Variants in ZBTB44 observed in about 807,000 individuals in gnomAD.
ZBTB44 encodes zinc finger and BTB domain containing 44.
ZBTB44 carries 15 observed loss-of-function variants against 54.0 expected under a neutral mutation model. The observed-to-expected ratio is 0.28, with a 90% CI of 0.19 to 0.43. ZBTB44 has a LOEUF of 0.43. ZBTB44 is among the 20% of genes least tolerant of loss of function. The pLI, the probability that ZBTB44 is intolerant of heterozygous loss-of-function variation, is 1.00. For synonymous variants in ZBTB44, 230 were observed against 250.1 expected (o/e 0.92, Z 0.76); for missense variants, 487 against 707.1 (o/e 0.69, Z 3.53).
chr11:130,232,584 A>G (rs1443964635), intron 7 of ZBTB44: 2 of 152,350 alleles, frequency 1.3e-5, no homozygotes, highest in East Asian at 1.9e-4. Flanking sequence ...CTTACAGTCT[A>G]TACTCTTCAT....
At chr11:130,271,378 C>T (rs1298315082) in intron 1 of ZBTB44, among the ~76,000 whole-genome samples, 1 of 152,142 alleles carries the variant, frequency 6.6e-6, no homozygotes, top group Non-Finnish European at 1.5e-5. Context: ...ATGGCTGATT[C>T]CATGTCTCAG....
At chr11:130,290,502 T>C (rs1181171277) in intron 1 of ZBTB44, among the ~76,000 whole-genome samples, 4 of 152,188 alleles carry the variant, frequency 2.6e-5, no homozygotes, top group African/African-American at 9.7e-5. Flanking sequence ...TCCCTTCCTT[T>C]CTCCACTGCC....
chr11:130,306,741 G>A (rs914686825), intron 1 of ZBTB44, among the ~76,000 whole-genome samples: 1 of 152,176 alleles, frequency 6.6e-6, no homozygotes, highest in Non-Finnish European at 1.5e-5. Flanking sequence ...GGCTTTTGCA[G>A]CAACTTGGAT....
intron 1 of ZBTB44, among the ~76,000 whole-genome samples, chr11:130,287,897 A>G (rs925688058): frequency 6.6e-6 from 1 of 151,910 alleles, no homozygotes; most frequent in African/African-American, 2.4e-5. Context: ...AATTTAAAAA[A>G]TTATTCACCT....
chr11:130,239,947 A>C, intron 2 of ZBTB44, 51 bp from the exon 3 acceptor site: 1 of 1,357,360 alleles, frequency 7.4e-7, no homozygotes. Context: ...TGAATAAGCC[A>C]AGATTGTAAC....
chr11:130,241,728 T>C (rs1047464082), intron 2 of ZBTB44, among the ~76,000 whole-genome samples: 5 of 152,196 alleles, frequency 3.3e-5, no homozygotes, highest in Non-Finnish European at 4.4e-5. Flanking sequence ...CCTTTTCTCA[T>C]TGTTATGGCT....
At chr11:130,254,444 C>T (rs1425935486) in intron 2 of ZBTB44, among the ~76,000 whole-genome samples, 1 of 152,196 alleles carries the variant, frequency 6.6e-6, no homozygotes, top group African/African-American at 2.4e-5. Flanking sequence ...CTAAAGAAGA[C>T]ATTTATGTAG....
chr11:130,251,243 GAA>G (rs1937976479), intron 2 of ZBTB44, among the ~76,000 whole-genome samples: 1 of 129,378 alleles, frequency 7.7e-6, no homozygotes, highest in Non-Finnish European at 1.7e-5. Context: ...CAGGATTAGA[GAA>G]AAAAAGATTG....
chr11:130,254,687 A>G (rs1329922587), intron 2 of ZBTB44, among the ~76,000 whole-genome samples: 1 of 152,202 alleles, frequency 6.6e-6, no homozygotes, highest in Non-Finnish European at 1.5e-5. Context: ...GGGATCTAGA[A>G]CTAGAAATAC....
intron 1 of ZBTB44, among the ~76,000 whole-genome samples, chr11:130,286,175 T>G (rs1940948130): frequency 6.6e-6 from 1 of 152,148 alleles, no homozygotes; most frequent in Non-Finnish European, 1.5e-5. Flanking sequence ...AAAGTGATCT[T>G]TAAAAAAATG....
rs1338466201 is a variant in ZBTB44 at position 130,261,793 on chromosome 11, A to G, written c.81T>C (p.Asp27=). Residue 27 remains aspartate, a synonymous_variant, in exon 2 of 8, where the codon GAT becomes GAC. Transcript: ENST00000357899. This position sits in a 1 kb window ranked among gnomAD's most constrained non-coding sequence, Gnocchi z 4.8. ...GAATAGTGATATCACAAAAATGTCC[A>G]TCATTTCGCAGCATATTTAGCTTTC... ...MLGKLNMLRN[D]GHFCDITIRV... 5.0e-6 allele frequency: 8 copies of G among 1,614,070 alleles called. No homozygotes were observed. The highest frequency in any genetic ancestry group is 1.7e-5 in the Admixed American group (1 of 60,026).
intron 1 of ZBTB44, among the ~76,000 whole-genome samples, chr11:130,302,051 CA>C (rs35397908): frequency 0.084 from 7,368 of 87,560 alleles, 334 homozygotes; most frequent in African/African-American, 0.17. Flanking sequence ...GACCCTGTCT[CA>C]AAAAAAAAAA....
intron 7 of ZBTB44, 104 bp downstream of exon 7, chr11:130,233,204 G>A (rs1260667972): frequency 3.2e-5 from 46 of 1,446,118 alleles, no homozygotes; most frequent in Non-Finnish European, 4.0e-5. Context: ...AAACTGATCC[G>A]GGCAATGACA....
chr11:130,311,371 G>T (rs1385348), intron 1 of ZBTB44, among the ~76,000 whole-genome samples: 3,590 of 152,044 alleles, frequency 0.024, 147 homozygotes, highest in African/African-American at 0.083. Context: ...ACCACGCCTG[G>T]CTAATTTTTT....
intron 2 of ZBTB44, among the ~76,000 whole-genome samples, chr11:130,245,801 T>C (rs972440155): frequency 6.6e-6 from 1 of 152,224 alleles, no homozygotes; most frequent in Non-Finnish European, 1.5e-5. Flanking sequence ...GAATGGACTC[T>C]TGGTGAGGTG....
At chr11:130,281,869 T>A (rs763747556) in intron 1 of ZBTB44, among the ~76,000 whole-genome samples, 1 of 152,206 alleles carries the variant, frequency 6.6e-6, no homozygotes, top group Non-Finnish European at 1.5e-5. Flanking sequence ...CCTCCCAAAG[T>A]GCTGGGATTA....
At chr11:130,251,891 T>C (rs961157388) in intron 2 of ZBTB44, among the ~76,000 whole-genome samples, 2 of 152,200 alleles carry the variant, frequency 1.3e-5, no homozygotes, top group Non-Finnish European at 2.9e-5. Context: ...GCTAGCATCA[T>C]GACGACAGGA....
chr11:130,256,843 A>G (rs1447153102), intron 2 of ZBTB44, among the ~76,000 whole-genome samples: 1 of 152,090 alleles, frequency 6.6e-6, no homozygotes, highest in African/African-American at 2.4e-5. Flanking sequence ...GGCACAAGAC[A>G]AGGATGCTCT....
At chr11:130,307,424 CAAAA>C (rs35105255) in intron 1 of ZBTB44, among the ~76,000 whole-genome samples, 5 of 137,600 alleles carry the variant, frequency 3.6e-5, no homozygotes, top group Non-Finnish European at 3.2e-5. Context: ...GACTCTGTCT[CAAAA>C]AAAAAAAAAA....
Sources: gnomAD v4.1 joint callset for allele counts (sites outside exome capture counted in the v4.1 genomes callset) on GRCh38, gnomAD v4.1.1 for gene constraint, Gnocchi (gnomAD v3.1) non-coding constraint, MANE v1.5 for transcripts, NCBI Gene and HGNC (gene_info 2026-07-23, HGNC 2026-07-21) for gene names.